The following AFF2 variants were observed in gnomAD, a reference collection of about 807,000 sequenced individuals.
AFF2 encodes the protein ALF transcription elongation factor 2.
AFF2 carries 14 observed loss-of-function variants against 76.9 expected under a neutral mutation model. The ratio of observed to expected loss-of-function variants is 0.18; its 90% CI spans 0.12 to 0.28. AFF2 has a LOEUF of 0.28. AFF2 is among the 10% of genes least tolerant of loss of function. The pLI is 1.00. For missense variants in AFF2, 868 were observed against 1,001.1 expected (o/e 0.87, Z 1.79); for synonymous variants, 398 against 366.7 (o/e 1.09, Z -0.98).
At chrX:148,754,837 T>C (rs781975425) in intron 3 of AFF2, among the ~76,000 whole-genome samples, 1 of 111,961 alleles carries the variant, frequency 8.9e-6, no homozygotes, top group Admixed American at 9.5e-5. Flanking sequence ...AGAGGAATAA[T>C]ACACGTAACC....
At chrX:148,759,540 G>T (rs2124584772) in intron 3 of AFF2, among the ~76,000 whole-genome samples, 1 of 112,263 alleles carries the variant, frequency 8.9e-6, no homozygotes, top group East Asian at 2.8e-4. Context: ...AGTGAATTCA[G>T]AGAAGCAAAA....
intron 3 of AFF2, chrX:148,719,240 T>C (rs2055063354): frequency 1.8e-6 from 2 of 1,135,521 alleles, no homozygotes; most frequent in Non-Finnish European, 1.2e-6. Flanking sequence ...AGGTAGGCAA[T>C]ATGAGTTGGC....
intron 3 of AFF2, among the ~76,000 whole-genome samples, chrX:148,805,420 A>G (rs1220712122): frequency 9.0e-6 from 1 of 111,086 alleles, no homozygotes; most frequent in Non-Finnish European, 1.9e-5. Context: ...AGAGGCATGC[A>G]TTGAGCTCCT....
chrX:148,575,569 A>G (rs1330442816), intron 1 of AFF2, among the ~76,000 whole-genome samples: 1 of 111,014 alleles, frequency 9.0e-6, no homozygotes, highest in African/African-American at 3.3e-5. Context: ...ATCACCCTGA[A>G]TCTCTCACAT....
chrX:148,797,345 T>C (rs1185041923), intron 3 of AFF2, among the ~76,000 whole-genome samples: 1 of 111,518 alleles, frequency 9.0e-6, no homozygotes, highest in Non-Finnish European at 1.9e-5. Flanking sequence ...TAGAGTTTCT[T>C]CAAGACAGTC....
rs1467834298 is a variant in AFF2 at position 148,999,589 on chromosome X, TGTGTGTGTGTGTGCGCGCACACACGTGC to T, written c.*8268_*8295del. The T allele has an allele frequency of 5.9e-5, 6 of 102,166 alleles. No individual in the cohort carries two copies. Among genetic ancestry groups the T allele is most frequent in the South Asian group, 3.9e-4 (1 of 2,579 alleles). 8.4% of individuals were successfully genotyped at this position (102,166 alleles called of 1,213,427 possible). Reference sequence around the variant, plus strand: ...AGAGTACACATCGTCAGTGTGTGTGTGTGTGTGTGTGTGCGCGCACACACGTGCGTGTGTGTGTCCCTGCATGTGCAAC... The same window carrying T: ...AGAGTACACATCGTCAGTGTGTGTGTGTGTGTGTGTCCCTGCATGTGCAAC... On this transcript the variant is annotated 3_prime_UTR_variant, in exon 21 of 21. Coordinates refer to ENST00000370460, the MANE Select transcript of AFF2 (RefSeq NM_002025.4).
intron 18 of AFF2, among the ~76,000 whole-genome samples, chrX:148,979,349 A>G (rs1392039422): frequency 8.9e-6 from 1 of 112,388 alleles, no homozygotes; most frequent in Non-Finnish European, 1.9e-5. Context: ...CATGTTTCCC[A>G]GCTATTATGT....
At chrX:148,536,684 G>A (rs909563750) in intron 1 of AFF2, among the ~76,000 whole-genome samples, 1 of 111,953 alleles carries the variant, frequency 8.9e-6, no homozygotes, top group Non-Finnish European at 1.9e-5. Context: ...TTAGTTTTAC[G>A]TTGCTATCCT....
intron 1 of AFF2, among the ~76,000 whole-genome samples, chrX:148,607,083 A>G (rs1269414017): frequency 9.0e-6 from 1 of 111,239 alleles, no homozygotes; most frequent in Admixed American, 9.6e-5. Context: ...AGACCTTACT[A>G]TAGGCTGAGT....
intron 4 of AFF2, among the ~76,000 whole-genome samples, chrX:148,837,437 G>C (rs2070540358): frequency 9.0e-6 from 1 of 111,490 alleles, no homozygotes; most frequent in South Asian, 3.8e-4. Context: ...GTCTCAACAT[G>C]GAGCAGGCTA....
intron 7 of AFF2, among the ~76,000 whole-genome samples, chrX:148,871,316 G>A (rs1251010107): frequency 1.8e-5 from 2 of 111,054 alleles, no homozygotes; most frequent in East Asian, 2.9e-4. Context: ...CTAACCCCTC[G>A]TGTCATGGTT....
At chrX:148,942,457 G>T (rs1433743216) in intron 9 of AFF2, among the ~76,000 whole-genome samples, 3 of 111,228 alleles carry the variant, frequency 2.7e-5, no homozygotes, top group Non-Finnish European at 5.7e-5. Flanking sequence ...TGTCACAGAG[G>T]GTGAGTATAA....
chrX:148,880,949 A>G (rs1253799412), intron 7 of AFF2, among the ~76,000 whole-genome samples: 1 of 112,064 alleles, frequency 8.9e-6, no homozygotes, highest in African/African-American at 3.2e-5. Context: ...CTATCAGAAA[A>G]AAACATGTAT....
At chrX:148,729,081 A>G (rs2055192449) in intron 3 of AFF2, among the ~76,000 whole-genome samples, 1 of 112,163 alleles carries the variant, frequency 8.9e-6, no homozygotes, top group Non-Finnish European at 1.9e-5. Flanking sequence ...ATATGTATGA[A>G]ACACTAAAAT....
At chrX:148,522,906 A>G (rs1014801276) in intron 1 of AFF2, among the ~76,000 whole-genome samples, 19 of 112,768 alleles carry the variant, frequency 1.7e-4, no homozygotes, top group African/African-American at 4.5e-4. Flanking sequence ...GTGATCACAC[A>G]TGTGGGCATG....
At position 148,992,744 on chromosome X, in the gene AFF2, C is replaced by T. The variant is rs1427516251; in HGVS notation, c.*1412C>T. 2 of 112,272 alleles carry T rather than the reference C, an allele frequency of 1.8e-5. No individual in the cohort carries two copies. Among genetic ancestry groups the T allele is most frequent in the Non-Finnish European group, 3.8e-5 (2 of 53,244 alleles). 9.3% of individuals were successfully genotyped at this position (112,272 alleles called of 1,213,427 possible). ...TTGTGACTACCCCCTTATGATCCTT[C>T]ACATTCATTTTATGTCCCTAAACAT... On this transcript the variant is annotated 3_prime_UTR_variant, in exon 21 of 21. Transcript: ENST00000370460.
At chrX:148,803,440 A>G (rs1279417646) in intron 3 of AFF2, among the ~76,000 whole-genome samples, 4 of 111,383 alleles carry the variant, frequency 3.6e-5, no homozygotes, top group Non-Finnish European at 5.7e-5. Context: ...GAATGGCCTC[A>G]CTGACTAGCC....
In AFF2 at chrX:148,500,948, C is replaced by A; in HGVS notation, c.-150C>A. ...GACCAGACACCTCCAGCGCCCGCTG[C>A]TGCTGCCGATGCGGCCCGGACACTT... On this transcript the variant is annotated 5_prime_UTR_variant, in exon 1 of 21. In the 5' UTR this introduces an upstream ATG that the reference lacks. Transcript: ENST00000370460. 3 of 694,340 alleles carry A rather than the reference C, an allele frequency of 4.3e-6. No individual in the cohort carries two copies. The highest frequency in any genetic ancestry group is 6.1e-6 in the Non-Finnish European group (3 of 492,324). The allele number at this position is 694,340 out of a possible 1,213,427, so 57.2% of individuals were successfully genotyped here.
intron 4 of AFF2, among the ~76,000 whole-genome samples, chrX:148,815,553 C>T (rs2070254645): frequency 1.8e-5 from 2 of 111,780 alleles, no homozygotes; most frequent in Admixed American, 1.9e-4. Flanking sequence ...TTTATGTGAA[C>T]AATGCAGGTA....
Sources: gnomAD v4.1 joint callset for allele counts (sites outside exome capture counted in the v4.1 genomes callset) on GRCh38, gnomAD v4.1.1 for gene constraint, MANE v1.5 for transcripts, NCBI Gene and HGNC (gene_info 2026-07-23, HGNC 2026-07-21) for gene names.